The following SLC35F3 variants were observed in gnomAD, a reference collection of about 807,000 sequenced individuals.
The protein encoded by SLC35F3 is putative thiamine transporter SLC35F3.
In SLC35F3, 25 loss-of-function variants were observed where a neutral mutation model predicts 49.9. The ratio of observed to expected loss-of-function variants is 0.50; its 90% CI spans 0.37 to 0.70. SLC35F3 has a LOEUF of 0.70. SLC35F3 is among the 30% of genes least tolerant of loss of function. SLC35F3 has a pLI of 0.00. For synonymous variants in SLC35F3, 275 were observed against 265.4 expected, an observed-to-expected ratio of 1.04 and a Z score of -0.35; for missense variants, 525 against 639.8, an observed-to-expected ratio of 0.82 and a Z score of 1.94.
At chr1:233,919,815 G>A (rs1222989253) in intron 2 of SLC35F3, among the ~76,000 whole-genome samples, 3 of 152,170 alleles carry the variant, frequency 2.0e-5, no homozygotes, top group African/African-American at 2.4e-5. Context: ...TGGGGAAGCC[G>A]TTTTGAGGGC....
chr1:234,121,164 T>C (rs536124891), intron 2 of SLC35F3, among the ~76,000 whole-genome samples: 300 of 133,126 alleles, frequency 2.3e-3, no homozygotes, highest in African/African-American at 7.6e-3. Flanking sequence ...TGAGACGGAG[T>C]CTTGCTGTGT....
Position 234,320,061 on chromosome 1 carries a change from C to A in SLC35F3, c.1148-37C>A. The A allele has an allele frequency of 6.9e-7, 1 of 1,444,598 alleles. No individual in the cohort carries two copies. Among genetic ancestry groups the A allele is most frequent in the Non-Finnish European group, 9.7e-7 (1 of 1,025,658 alleles). 89.5% of individuals were successfully genotyped at this position (1,444,598 alleles called of 1,614,324 possible). On this transcript the variant is annotated intron_variant, in intron 6 of 7. Coordinates refer to ENST00000366618, the MANE Select transcript of SLC35F3 (RefSeq NM_173508.4). The surrounding 1 kb of genome is among the most constrained non-coding windows in gnomAD (Gnocchi z 4.8). ...GCAGGGAGGTAAAGTACACAGCAGT[C>A]ATGAATAACACTCGTTGTTTACATT...
intron 2 of SLC35F3, among the ~76,000 whole-genome samples, chr1:233,927,045 A>G (rs983693859): frequency 7.9e-5 from 12 of 152,214 alleles, no homozygotes; most frequent in African/African-American, 2.9e-4. Context: ...TTCACTTAGT[A>G]ACATGTACTT....
intron 2 of SLC35F3, among the ~76,000 whole-genome samples, chr1:234,217,536 T>C (rs1276711762): frequency 1.3e-5 from 2 of 152,186 alleles, no homozygotes; most frequent in Non-Finnish European, 2.9e-5. Flanking sequence ...GAGGTGTTCC[T>C]GAGGAGGAGG....
intron 2 of SLC35F3, among the ~76,000 whole-genome samples, chr1:234,162,236 TG>T (rs900523884): frequency 6.6e-6 from 1 of 151,640 alleles, no homozygotes; most frequent in African/African-American, 2.4e-5. Context: ...CCATGGAGTG[TG>T]GGAAGTCTGT....
At chr1:234,117,616 G>T (rs963314439) in intron 2 of SLC35F3, among the ~76,000 whole-genome samples, 6 of 146,022 alleles carry the variant, frequency 4.1e-5, no homozygotes, top group African/African-American at 1.5e-4. Flanking sequence ...GCTGGGCGCA[G>T]TGGCTCATGC....
At chr1:234,304,264 C>T (rs559545863) in intron 3 of SLC35F3, among the ~76,000 whole-genome samples, 3 of 152,038 alleles carry the variant, frequency 2.0e-5, no homozygotes, top group Admixed American at 1.3e-4. Context: ...AAGGTTTAAG[C>T]GATTCTCATG....
At chr1:234,154,148 A>G (rs956502171) in intron 2 of SLC35F3, among the ~76,000 whole-genome samples, 1 of 152,164 alleles carries the variant, frequency 6.6e-6, no homozygotes, top group Non-Finnish European at 1.5e-5. Context: ...AGGTGGGAGA[A>G]GTAAAGCAGA....
At position 234,062,162 on chromosome 1, in the gene SLC35F3, T is replaced by C. The variant is rs188896558; in HGVS notation, c.283+156404T>C. On this transcript the variant is annotated intron_variant, in intron 2 of 7. Coordinates refer to ENST00000366618, the MANE Select transcript of SLC35F3 (RefSeq NM_173508.4). ...ATTGCTCTTTGCTTACTGACAACTT[T>C]TGTTACTGTCTGGATCATTTAGTGA... 3.1e-3 allele frequency among the ~76,000 whole-genome samples: 469 copies of C among 152,346 alleles called. 1 individual carries two copies. Among genetic ancestry groups the C allele is most frequent in the African/African-American group, 0.01 (435 of 41,586 alleles).
At chr1:234,134,710 GT>G (rs1665784537) in intron 2 of SLC35F3, among the ~76,000 whole-genome samples, 1 of 151,814 alleles carries the variant, frequency 6.6e-6, no homozygotes, top group Non-Finnish European at 1.5e-5. Flanking sequence ...CCTGGCACTG[GT>G]TTTTTTGTGG....
chr1:234,002,820 C>T (rs1041176488), intron 2 of SLC35F3, among the ~76,000 whole-genome samples: 5 of 152,080 alleles, frequency 3.3e-5, no homozygotes, highest in African/African-American at 1.2e-4. Context: ...TCTCTCATCC[C>T]CCATGTATTT....
chr1:233,917,237 C>G (rs1191303246), intron 2 of SLC35F3, among the ~76,000 whole-genome samples: 2 of 152,134 alleles, frequency 1.3e-5, no homozygotes, highest in Non-Finnish European at 2.9e-5. Context: ...TATTTTCAAT[C>G]AACAATGACC....
intron 2 of SLC35F3, among the ~76,000 whole-genome samples, chr1:233,953,153 C>A (rs1338502960): frequency 2.0e-5 from 3 of 152,016 alleles, no homozygotes; most frequent in Non-Finnish European, 4.4e-5. Context: ...CCTAAAATAA[C>A]ATTGAGTTGT....
Position 233,905,017 on chromosome 1 carries a change from T to A in SLC35F3, c.-61T>A. 1 of 1,526,576 alleles carries A rather than the reference T, an allele frequency of 6.6e-7. No homozygotes were observed. Among genetic ancestry groups the A allele is most frequent in the South Asian group, 1.2e-5 (1 of 82,508 alleles). The allele number at this position is 1,526,576 out of a possible 1,614,324, so 94.6% of individuals were successfully genotyped here. On this transcript the variant is annotated 5_prime_UTR_variant, in exon 1 of 8. Coordinates refer to ENST00000366618, the MANE Select transcript of SLC35F3 (RefSeq NM_173508.4). The stretch of plus-strand genomic sequence containing the variant: ...TCCCAGGCTAGCGGCTGCAGGGAGC[T>A]CCGGCCCGCGGCCCCTCCGCCTCAA...
At chr1:234,182,367 C>T (rs1666571015) in intron 2 of SLC35F3, among the ~76,000 whole-genome samples, 2 of 152,154 alleles carry the variant, frequency 1.3e-5, no homozygotes. Context: ...TACTCCATAC[C>T]TGGAATTAGC....
chr1:234,227,688 G>T (rs1433152906), intron 2 of SLC35F3, among the ~76,000 whole-genome samples: 1 of 152,008 alleles, frequency 6.6e-6, no homozygotes, highest in South Asian at 2.1e-4. Context: ...GTGAGCCACC[G>T]TGCCCGGCCG....
At chr1:234,077,229 C>A (rs568383282) in intron 2 of SLC35F3, among the ~76,000 whole-genome samples, 1 of 151,970 alleles carries the variant, frequency 6.6e-6, no homozygotes, top group South Asian at 2.1e-4. Context: ...TGGTCTCGAT[C>A]TCCTGACCTC....
intron 2 of SLC35F3, among the ~76,000 whole-genome samples, chr1:234,197,352 C>A (rs990529870): frequency 5.3e-5 from 8 of 152,266 alleles, no homozygotes; most frequent in African/African-American, 1.9e-4. Context: ...AGGCTTTGTG[C>A]TGTTAGAAAC....
At chr1:234,271,114 G>A (rs1668095847) in intron 3 of SLC35F3, among the ~76,000 whole-genome samples, 1 of 152,170 alleles carries the variant, frequency 6.6e-6, no homozygotes, top group African/African-American at 2.4e-5. Context: ...TTAAAACTTG[G>A]ATGAAGTTCA....
Sources: gnomAD v4.1 joint callset for allele counts (sites outside exome capture counted in the v4.1 genomes callset) on GRCh38, gnomAD v4.1.1 for gene constraint, Gnocchi (gnomAD v3.1) non-coding constraint, MANE v1.5 for transcripts, NCBI Gene and HGNC (gene_info 2026-07-23, HGNC 2026-07-21) for gene names.